The following TFCP2L1 variants were observed in gnomAD, a reference collection of about 807,000 sequenced individuals.
TFCP2L1 encodes the protein transcription factor CP2 like 1.
In TFCP2L1, 12 loss-of-function variants were observed where a neutral mutation model predicts 72.2. The ratio of observed to expected loss-of-function variants is 0.17; its 90% CI spans 0.11 to 0.27. The LOEUF (loss-of-function observed/expected upper bound fraction) is 0.27, where lower values mean the gene tolerates loss of function less well. Ranked by LOEUF, TFCP2L1 falls within the 10% of genes least tolerant of loss-of-function variation. The pLI is 1.00. For synonymous variants in TFCP2L1, 260 were observed against 251.0 expected (o/e 1.04, Z -0.34); for missense variants, 488 against 624.6 (o/e 0.78, Z 2.33).
At chr2:121,267,641 G>T (rs1686958738) in intron 2 of TFCP2L1, among the ~76,000 whole-genome samples, 1 of 152,004 alleles carries the variant, frequency 6.6e-6, no homozygotes, top group African/African-American at 2.4e-5. Flanking sequence ...CTACAGGCAT[G>T]TGCCACCATG....
At chr2:121,228,528 G>C (rs887744056) in intron 13 of TFCP2L1, among the ~76,000 whole-genome samples, 1 of 151,708 alleles carries the variant, frequency 6.6e-6, no homozygotes, top group Admixed American at 6.6e-5. Context: ...GAGAGGCCAA[G>C]GCAGGTGAAC....
chr2:121,263,855 G>T (rs1460754861), intron 2 of TFCP2L1, among the ~76,000 whole-genome samples: 1 of 152,334 alleles, frequency 6.6e-6, no homozygotes, highest in East Asian at 1.9e-4. Context: ...CTGGGTGCCT[G>T]GGGCAGAGGT....
chr2:121,248,300 G>A (rs1686531280), intron 4 of TFCP2L1, 30 bp from the exon 5 acceptor site: 1 of 1,545,188 alleles, frequency 6.5e-7, no homozygotes, highest in Non-Finnish European at 8.9e-7. Flanking sequence ...TACAGAAAGT[G>A]CAATTGTCAG....
intron 7 of TFCP2L1, chr2:121,240,685 G>A: frequency 1.0e-6 from 1 of 985,428 alleles, no homozygotes; most frequent in Non-Finnish European, 1.2e-6. Flanking sequence ...CAGAGAGGTT[G>A]AGGCTGTTAG....
chr2:121,266,340 A>G (rs1335603345), intron 2 of TFCP2L1, among the ~76,000 whole-genome samples: 1 of 152,126 alleles, frequency 6.6e-6, no homozygotes, highest in Non-Finnish European at 1.5e-5. Flanking sequence ...GAAGGAAAGT[A>G]ACACTTACTG....
intron 2 of TFCP2L1, among the ~76,000 whole-genome samples, chr2:121,278,316 G>A (rs1050307292): frequency 9.2e-4 from 138 of 150,304 alleles, no homozygotes; most frequent in African/African-American, 3.0e-3. Context: ...GATTACAGGC[G>A]TGAGCCACTG....
rs1686322022 is a variant in TFCP2L1, at chr2:121,239,592, T to C, written c.826A>G (p.Asn276Asp). The change falls in exon 8 of 15, where the codon AAT becomes GAT. Residue 276 changes from asparagine (N) to aspartate (D), a missense_variant. Transcript: ENST00000263707. ...AGGCCAAAGCTGTTTGGAGAACCAT[T>C]GTAGCTTGGGGACGGGGCGCTGTTC... ...QVNSAPSPSY[N>D]GSPNSFGLGE... The C allele has an allele frequency of 1.2e-6, 2 of 1,614,098 alleles. No homozygotes were observed. The highest frequency in any genetic ancestry group is 1.7e-6 in the Non-Finnish European group (2 of 1,180,016).
At chr2:121,234,932 G>A (rs998095818) in intron 11 of TFCP2L1, among the ~76,000 whole-genome samples, 44 of 152,364 alleles carry the variant, frequency 2.9e-4, no homozygotes, top group African/African-American at 1.0e-3. Context: ...TGGGCAAGTG[G>A]CTCAGAGGCC....
intron 2 of TFCP2L1, among the ~76,000 whole-genome samples, chr2:121,254,843 A>T (rs1003050355): frequency 6.6e-6 from 1 of 151,852 alleles, no homozygotes; most frequent in African/African-American, 2.4e-5. Flanking sequence ...AGCAAAGCAC[A>T]GCCAGGCAGA....
intron 13 of TFCP2L1, among the ~76,000 whole-genome samples, chr2:121,230,934 AAAAT>A (rs1024604139): frequency 2.6e-5 from 4 of 152,152 alleles, no homozygotes; most frequent in African/African-American, 9.7e-5. Flanking sequence ...TAAAAATTTT[AAAAT>A]AAATAAATAA....
In TFCP2L1 at chr2:121,219,467, TAGTC is replaced by T. The variant is rs1685890825; in HGVS notation, c.*4870_*4873del. 1 of 152,206 alleles carries T rather than the reference TAGTC, an allele frequency of 6.6e-6. No homozygotes were observed. Among genetic ancestry groups the T allele is most frequent in the South Asian group, 2.1e-4 (1 of 4,826 alleles). The allele number at this position is 152,206 out of a possible 1,614,324, so 9.4% of individuals were successfully genotyped here. Reference sequence around the variant, plus strand: ...AGCCCCCATAAGTTTGCGGAGGAAGTAGTCAGCCCAGTTAGGAGCTAGGGCTGAT... The same window carrying T: ...AGCCCCCATAAGTTTGCGGAGGAAGTAGCCCAGTTAGGAGCTAGGGCTGAT... On this transcript the variant is annotated 3_prime_UTR_variant, in exon 15 of 15. Coordinates refer to ENST00000263707, the MANE Select transcript of TFCP2L1 (RefSeq NM_014553.3).
chr2:121,241,715 G>A (rs545644866), intron 7 of TFCP2L1, among the ~76,000 whole-genome samples: 14 of 152,208 alleles, frequency 9.2e-5, no homozygotes, highest in African/African-American at 3.1e-4. Context: ...CACATGCACA[G>A]TTATTCACTG....
chr2:121,275,864 C>T (rs1364300945), intron 2 of TFCP2L1, among the ~76,000 whole-genome samples: 2 of 152,156 alleles, frequency 1.3e-5, no homozygotes, highest in Non-Finnish European at 2.9e-5. Flanking sequence ...AGCCACCGCG[C>T]CCAGTTGAGA....
At chr2:121,251,960 T>A (rs988753269) in intron 2 of TFCP2L1, among the ~76,000 whole-genome samples, 2 of 152,230 alleles carry the variant, frequency 1.3e-5, no homozygotes, top group Non-Finnish European at 2.9e-5. Flanking sequence ...GTAAAAACAC[T>A]TAATACAAAC....
At chr2:121,249,490 C>T in intron 3 of TFCP2L1, 81 bp downstream of exon 3, 1 of 1,396,280 alleles carries the variant, frequency 7.2e-7, no homozygotes, top group Non-Finnish European at 1.0e-6. Flanking sequence ...GCTACCCGTG[C>T]CCAACCCCAG....
chr2:121,224,828 C>A (rs1378315336), intron 14 of TFCP2L1, among the ~76,000 whole-genome samples: 1 of 152,050 alleles, frequency 6.6e-6, no homozygotes, highest in African/African-American at 2.4e-5. Flanking sequence ...TAAAAAAATA[C>A]AAAAAAATTA....
At chr2:121,276,502 G>A (rs993072033) in intron 2 of TFCP2L1, among the ~76,000 whole-genome samples, 2 of 151,870 alleles carry the variant, frequency 1.3e-5, no homozygotes, top group South Asian at 2.1e-4. Flanking sequence ...GTGTGGTGGC[G>A]CACAACTGTA....
intron 2 of TFCP2L1, among the ~76,000 whole-genome samples, chr2:121,274,917 T>A (rs567268558): frequency 6.7e-6 from 1 of 150,312 alleles, no homozygotes; most frequent in Admixed American, 6.7e-5. Context: ...TCAGCCTGGG[T>A]GAAAGAGCAA....
intron 2 of TFCP2L1, among the ~76,000 whole-genome samples, chr2:121,251,690 C>T (rs947496494): frequency 6.6e-6 from 1 of 151,986 alleles, no homozygotes; most frequent in Admixed American, 6.6e-5. Context: ...GCTCCCTCTA[C>T]AAAAAAATAA....
Sources: allele counts gnomAD v4.1 joint callset (sites outside exome capture counted in the v4.1 genomes callset), GRCh38; gene constraint gnomAD v4.1.1; transcripts MANE v1.5; gene names NCBI Gene and HGNC (gene_info 2026-07-23, HGNC 2026-07-21).